Variants in CORIN observed in about 807,000 individuals in gnomAD.
The protein encoded by CORIN is corin, serine peptidase, also known as atrial natriuretic peptide-converting enzyme.
CORIN carries 117 observed loss-of-function variants against 125.3 expected under a neutral mutation model. The ratio of observed to expected loss-of-function variants is 0.93; its 90% confidence interval spans 0.80 to 1.09. The LOEUF is 1.09. CORIN is among the 50% of genes least tolerant of loss of function. The probability of loss-of-function intolerance (pLI) is 0.00; values close to 1 mark genes in which losing one functional copy is unlikely to be tolerated. For missense variants in CORIN, 1,253 were observed against 1,306.7 expected (o/e 0.96, Z 0.63); for synonymous variants, 450 against 466.4 (o/e 0.96, Z 0.45).
intron 3 of CORIN, among the ~76,000 whole-genome samples, chr4:47,786,438 G>C (rs545713809): frequency 6.6e-6 from 1 of 152,258 alleles, no homozygotes; most frequent in African/African-American, 2.4e-5. Context: ...CCACTCAAGA[G>C]GCTGAGGCAG....
At chr4:47,794,887 T>TC in intron 2 of CORIN, among the ~76,000 whole-genome samples, 1 of 152,262 alleles carries the variant, frequency 6.6e-6, no homozygotes, top group Non-Finnish European at 1.5e-5. Context: ...AGCTTTTTTT[T>TC]CCGATGTTTT....
chr4:47,717,506 C>G (rs557095371), intron 5 of CORIN, among the ~76,000 whole-genome samples: 5 of 152,324 alleles, frequency 3.3e-5, no homozygotes, highest in African/African-American at 9.6e-5. Context: ...TTTTCTTACA[C>G]TTCCAACACT....
At chr4:47,623,812 C>T in intron 18 of CORIN, 67 bp from the exon 19 acceptor site, 1 of 1,608,800 alleles carries the variant, frequency 6.2e-7, no homozygotes, top group Non-Finnish European at 8.5e-7. Flanking sequence ...TAGCTCTTTG[C>T]TGTCACTTAC....
chr4:47,811,588 T>C (rs1732064052), intron 1 of CORIN, among the ~76,000 whole-genome samples: 1 of 152,196 alleles, frequency 6.6e-6, no homozygotes, highest in South Asian at 2.1e-4. Flanking sequence ...TCCTCATCTA[T>C]CAGGGATGGT....
intron 4 of CORIN, among the ~76,000 whole-genome samples, chr4:47,750,013 A>AT (rs1728829887): frequency 6.6e-6 from 1 of 152,206 alleles, no homozygotes; most frequent in Non-Finnish European, 1.5e-5. Context: ...GTGCTCCCAA[A>AT]TATCTTGCCT....
At chr4:47,806,535 T>G (rs1731803989) in intron 2 of CORIN, among the ~76,000 whole-genome samples, 1 of 152,206 alleles carries the variant, frequency 6.6e-6, no homozygotes, top group African/African-American at 2.4e-5. Context: ...CCATGGGACC[T>G]TGTCTATACA....
At chr4:47,817,176 C>A (rs1732309050) in intron 1 of CORIN, among the ~76,000 whole-genome samples, 2 of 151,866 alleles carry the variant, frequency 1.3e-5, no homozygotes, top group South Asian at 4.2e-4. Context: ...ATCACCCTAC[C>A]TGGAACACAA....
At position 47,712,579 on chromosome 4, in the gene CORIN, G is replaced by A. The variant is rs1053125209; in HGVS notation, c.800-19496C>T. Among the ~76,000 whole-genome samples, 9 of 152,030 alleles carry A rather than the reference G, an allele frequency of 5.9e-5. No homozygotes were observed. The East Asian group carries it at 7.7e-4, about 13-fold the overall frequency. On this transcript the variant is annotated intron_variant, in intron 5 of 21. Transcript: ENST00000273857. ...ATTTCAGGAGTGAGCCACTGCACCC[G>A]GCTGACATCATTTATTTTAAGGAAG...
At chr4:47,747,547 T>C (rs1285328676) in intron 4 of CORIN, among the ~76,000 whole-genome samples, 4 of 152,204 alleles carry the variant, frequency 2.6e-5, no homozygotes, top group African/African-American at 9.7e-5. Flanking sequence ...TTTATCATTC[T>C]ACATCTTTTC....
chr4:47,837,799 C>CG, intron 1 of CORIN, 88 bp downstream of exon 1: 2 of 1,162,562 alleles, frequency 1.7e-6, no homozygotes, highest in Non-Finnish European at 1.3e-6. Context: ...GAGGAGAGGA[C>CG]GGGGGCGGGA....
intron 9 of CORIN, among the ~76,000 whole-genome samples, chr4:47,675,584 A>T (rs1724978366): frequency 6.6e-6 from 1 of 152,174 alleles, no homozygotes; most frequent in Non-Finnish European, 1.5e-5. Flanking sequence ...ATGCCATGTG[A>T]CAATCTATGT....
intron 3 of CORIN, among the ~76,000 whole-genome samples, chr4:47,780,958 G>T (rs1273360647): frequency 1.4e-5 from 2 of 147,826 alleles, no homozygotes; most frequent in East Asian, 4.0e-4. Context: ...GAATTTAAAC[G>T]TTTCAATATT....
At chr4:47,801,003 C>A (rs1454663505) in intron 2 of CORIN, among the ~76,000 whole-genome samples, 2 of 152,164 alleles carry the variant, frequency 1.3e-5, no homozygotes, top group Non-Finnish European at 2.9e-5. Flanking sequence ...GCATGCATGG[C>A]AGACCTCCCT....
intron 5 of CORIN, 132 bp from the exon 6 acceptor site, chr4:47,693,215 T>TAA: frequency 1.5e-6 from 1 of 647,802 alleles, no homozygotes; most frequent in Non-Finnish European, 2.7e-6. Flanking sequence ...CTCAGTTTTA[T>TAA]TGTCATCAAT....
Position 47,603,425 on chromosome 4 carries a change from G to A in CORIN, c.2784C>T (p.Ile928=). Residue 928 remains isoleucine (I), a synonymous_variant, in exon 20 of 22, where the codon ATC becomes ATT. Coordinates refer to ENST00000273857, the MANE Select transcript of CORIN (RefSeq NM_006587.4). ...TATTGCCCATGTGGCCCCAGCCTGT[G>A]ATATAGCAGTACGTGTCAGGCTCTA... The part of the protein sequence containing the change: ...QWLEPDTYCY[I]TGWGHMGNKM... 1 of 1,614,190 alleles carries A rather than the reference G, an allele frequency of 6.2e-7. No homozygotes were observed. Among genetic ancestry groups the A allele is most frequent in the Non-Finnish European group, 8.5e-7 (1 of 1,180,026 alleles).
At chr4:47,757,843 G>A (rs75018240) in intron 4 of CORIN, among the ~76,000 whole-genome samples, 1,485 of 138,952 alleles carry the variant, frequency 0.011, 7 homozygotes, top group Non-Finnish European at 0.017. Context: ...GAGAATGATT[G>A]AAATGAGTTT....
At position 47,623,760 on chromosome 4, in the gene CORIN, A is replaced by G; in HGVS notation, c.2366-15T>C. 3.1e-6 allele frequency: 5 copies of G among 1,613,588 alleles called. No homozygotes were observed. Among genetic ancestry groups the G allele is most frequent in the Non-Finnish European group, 3.4e-6 (4 of 1,179,902 alleles). ...GCGCCCACAGTCTACCAAGGAGCAGAAGACACAGTTTGTGAGTTGATGCCA... is the reference window on the plus strand; with the variant it reads ...GCGCCCACAGTCTACCAAGGAGCAGGAGACACAGTTTGTGAGTTGATGCCA... On this transcript the variant is annotated splice_polypyrimidine_tract_variant and intron_variant, in intron 18 of 21. Coordinates refer to ENST00000273857, the MANE Select transcript of CORIN (RefSeq NM_006587.4).
At chr4:47,599,661 C>A (rs191678520) in intron 21 of CORIN, among the ~76,000 whole-genome samples, 1 of 152,276 alleles carries the variant, frequency 6.6e-6, no homozygotes, top group East Asian at 1.9e-4. Flanking sequence ...TCCTGAGTAT[C>A]TAAAGGTTGA....
chr4:47,702,064 C>T (rs975435000), intron 5 of CORIN, among the ~76,000 whole-genome samples: 1 of 152,094 alleles, frequency 6.6e-6, no homozygotes, highest in African/African-American at 2.4e-5. Context: ...ATTTAGGTTT[C>T]TTGGGAGGTG....
Sources: gnomAD v4.1 joint callset for allele counts (sites outside exome capture counted in the v4.1 genomes callset) on GRCh38, gnomAD v4.1.1 for gene constraint, MANE v1.5 for transcripts, NCBI Gene and HGNC (gene_info 2026-07-23, HGNC 2026-07-21) for gene names.